The following CDH4 variants were observed in gnomAD, a reference collection of about 807,000 sequenced individuals.
CDH4 encodes the protein cadherin-4.
In CDH4, 33 loss-of-function variants were observed where a neutral mutation model predicts 86.0. The ratio of observed to expected loss-of-function variants is 0.38; its 90% CI spans 0.29 to 0.51. CDH4 has a LOEUF of 0.51. Among genes scored for constraint, CDH4 ranks in the 20% least tolerant of loss-of-function variants. CDH4 has a pLI of 0.86. For missense variants in CDH4, 1,114 were observed against 1,307.4 expected, an observed-to-expected ratio of 0.85 and a Z score of 2.28; for synonymous variants, 555 against 549.4, an observed-to-expected ratio of 1.01 and a Z score of -0.14.
intron 6 of CDH4, among the ~76,000 whole-genome samples, chr20:61,859,435 C>G (rs972487191): frequency 2.6e-5 from 4 of 152,342 alleles, no homozygotes; most frequent in Middle Eastern, 3.4e-3. Flanking sequence ...TCTTACGGAG[C>G]AGGCTTCAGC....
intron 3 of CDH4, among the ~76,000 whole-genome samples, chr20:61,745,574 C>T (rs1212489360): frequency 6.6e-6 from 1 of 152,120 alleles, no homozygotes; most frequent in African/African-American, 2.4e-5. Context: ...AATCATGAGC[C>T]CCACCTGTGA....
chr20:61,661,093 G>GGCGGGC (rs1555821325), intron 2 of CDH4, among the ~76,000 whole-genome samples: 1 of 102,206 alleles, frequency 9.8e-6, no homozygotes, highest in Non-Finnish European at 2.6e-5. Flanking sequence ...GCGGGGGGGG[G>GGCGGGC]GGAGACACAG....
intron 2 of CDH4, among the ~76,000 whole-genome samples, chr20:61,304,279 G>A (rs368158899): frequency 7.2e-4 from 94 of 130,474 alleles, no homozygotes; most frequent in African/African-American, 2.0e-3. Context: ...CCAACCCCCC[G>A]TTCTTTGGTG....
rs2086066759 is a variant in CDH4, at chr20:61,544,928, A to T, written c.170-198635A>T. Among the ~76,000 whole-genome samples, 1 of 152,162 alleles carries T rather than the reference A, an allele frequency of 6.6e-6. No individual in the cohort carries two copies. Among genetic ancestry groups the T allele is most frequent in the South Asian group, 2.1e-4 (1 of 4,824 alleles). ...TGCTAGGTACAATCAAATGTATGTG[A>T]TAAGTAATTAGATATCCAGGTAGAC... On this transcript the variant is annotated intron_variant, in intron 2 of 15. Transcript: ENST00000614565. The surrounding 1 kb of genome is among the most constrained non-coding windows in gnomAD (Gnocchi z 6.5).
intron 2 of CDH4, among the ~76,000 whole-genome samples, chr20:61,646,532 G>T (rs1219079704): frequency 1.3e-5 from 2 of 152,170 alleles, no homozygotes; most frequent in African/African-American, 4.8e-5. Context: ...ACCCCCTCTG[G>T]GCCTCAGCTC....
chr20:61,718,691 CTG>C (rs755907702), intron 2 of CDH4: 40 of 416,472 alleles, frequency 9.6e-5, no homozygotes, highest in Non-Finnish European at 1.8e-4. Flanking sequence ...CTGCATGACA[CTG>C]TGTGAATTAG....
At chr20:61,877,998 G>A (rs1984114901) in intron 7 of CDH4, among the ~76,000 whole-genome samples, 1 of 152,060 alleles carries the variant, frequency 6.6e-6, no homozygotes, top group South Asian at 2.1e-4. Context: ...GGAACCACGG[G>A]GGCCCCAGAG....
chr20:61,576,412 C>A (rs2086382918), intron 2 of CDH4, among the ~76,000 whole-genome samples: 1 of 152,102 alleles, frequency 6.6e-6, no homozygotes, highest in Non-Finnish European at 1.5e-5. Context: ...ATTAACTGAC[C>A]ACCCTAACCC....
intron 2 of CDH4, among the ~76,000 whole-genome samples, chr20:61,710,315 G>T (rs2087876027): frequency 6.6e-6 from 1 of 152,222 alleles, no homozygotes; most frequent in African/African-American, 2.4e-5. Context: ...TCCTGGCTAA[G>T]TGGCTGCCGA....
chr20:61,496,182 T>G (rs1265005789), intron 2 of CDH4, among the ~76,000 whole-genome samples: 1 of 151,978 alleles, frequency 6.6e-6, no homozygotes, highest in East Asian at 1.9e-4. Context: ...GAAGGATCAC[T>G]TAAGGCCAGG....
chr20:61,862,325 G>A (rs994948680), intron 6 of CDH4, among the ~76,000 whole-genome samples: 8 of 152,180 alleles, frequency 5.3e-5, no homozygotes, highest in African/African-American at 1.9e-4. Context: ...GACCCCGGGG[G>A]CAGCTCTCAA....
At chr20:61,529,902 A>G (rs2085939233) in intron 2 of CDH4, among the ~76,000 whole-genome samples, 1 of 152,150 alleles carries the variant, frequency 6.6e-6, no homozygotes, top group Non-Finnish European at 1.5e-5. Flanking sequence ...CAGTGCCACA[A>G]TCTTGACTCA....
intron 2 of CDH4, among the ~76,000 whole-genome samples, chr20:61,651,463 C>G (rs2087120212): frequency 6.6e-6 from 1 of 152,248 alleles, no homozygotes; most frequent in Admixed American, 6.5e-5. Context: ...CGCTTTCCCA[C>G]CCCTTATGAC....
At chr20:61,926,828 G>A (rs996001500) in intron 11 of CDH4, among the ~76,000 whole-genome samples, 5 of 152,232 alleles carry the variant, frequency 3.3e-5, no homozygotes, top group South Asian at 2.1e-4. Flanking sequence ...AGCCAAGATC[G>A]CCCCATTGAA....
At chr20:61,571,378 A>G (rs1298905216) in intron 2 of CDH4, among the ~76,000 whole-genome samples, 1 of 152,176 alleles carries the variant, frequency 6.6e-6, no homozygotes, top group Non-Finnish European at 1.5e-5. Flanking sequence ...TGGCCTTGAC[A>G]TCGGGTGAGC....
chr20:61,896,585 C>T (rs886666396), intron 8 of CDH4, among the ~76,000 whole-genome samples: 11 of 152,210 alleles, frequency 7.2e-5, no homozygotes, highest in African/African-American at 2.4e-4. Context: ...AACCAGGAGC[C>T]CGAGGAGCAT....
chr20:61,600,397 G>A (rs1399043135), intron 2 of CDH4, among the ~76,000 whole-genome samples: 1 of 152,222 alleles, frequency 6.6e-6, no homozygotes, highest in Non-Finnish European at 1.5e-5. Context: ...ACAGGCTTCG[G>A]TGCCTGGCAG....
At chr20:61,274,058 T>A (rs35400171) in intron 2 of CDH4, among the ~76,000 whole-genome samples, 2 of 119,444 alleles carry the variant, frequency 1.7e-5, no homozygotes, top group African/African-American at 6.7e-5. Context: ...CATGTGTAGT[T>A]TGGGGAAGTA....
intron 2 of CDH4, among the ~76,000 whole-genome samples, chr20:61,685,857 G>A (rs2087567721): frequency 1.3e-5 from 2 of 152,234 alleles, no homozygotes; most frequent in African/African-American, 4.8e-5. Flanking sequence ...AATCTCAGGT[G>A]GGATAGTCCG....
Sources: gnomAD v4.1 joint callset for allele counts (sites outside exome capture counted in the v4.1 genomes callset) on GRCh38, gnomAD v4.1.1 for gene constraint, Gnocchi (gnomAD v3.1) non-coding constraint, MANE v1.5 for transcripts, NCBI Gene and HGNC (gene_info 2026-07-23, HGNC 2026-07-21) for gene names.